Variants in LNX1 observed in about 807,000 individuals in gnomAD.
LNX1 encodes ligand of numb-protein X 1.
A neutral mutation model predicts 68.4 loss-of-function variants in LNX1; 54 were observed. That is an observed-to-expected ratio of 0.79 (90% CI 0.63 to 0.99). The LOEUF (loss-of-function observed/expected upper bound fraction) is 0.99. LNX1 is among the 50% of genes least tolerant of loss of function. The probability of loss-of-function intolerance (pLI) is 0.00; values close to 1 mark genes in which losing one functional copy is unlikely to be tolerated. For synonymous variants in LNX1, 336 were observed against 350.0 expected, an observed-to-expected ratio of 0.96 and a Z score of 0.45; for missense variants, 906 against 926.4, an observed-to-expected ratio of 0.98 and a Z score of 0.29.
chr4:53,614,782 C>A (rs957734836), intron 2 of LNX1, among the ~76,000 whole-genome samples: 10 of 152,274 alleles, frequency 6.6e-5, no homozygotes, highest in Admixed American at 2.0e-4. Context: ...GTTTTACATT[C>A]CATGCTCACA....
chr4:53,570,081 T>A (rs538373157), intron 2 of LNX1, among the ~76,000 whole-genome samples: 1 of 151,290 alleles, frequency 6.6e-6, no homozygotes, highest in African/African-American at 2.4e-5. Flanking sequence ...GTAAACTAGT[T>A]CAACCATTGT....
At chr4:53,505,036 A>G (rs1249535132) in intron 4 of LNX1, among the ~76,000 whole-genome samples, 1 of 152,206 alleles carries the variant, frequency 6.6e-6, no homozygotes, top group East Asian at 1.9e-4. Flanking sequence ...AATGGAGCAA[A>G]CAGACTTGTT....
chr4:53,582,511 A>G (rs1222408808), intron 1 of LNX1, among the ~76,000 whole-genome samples: 1 of 152,204 alleles, frequency 6.6e-6, no homozygotes, highest in East Asian at 1.9e-4. Context: ...GTGACATTTT[A>G]CAAACAGTGT....
At chr4:53,564,734 G>A (rs778257072) in intron 2 of LNX1, among the ~76,000 whole-genome samples, 3 of 152,034 alleles carry the variant, frequency 2.0e-5, no homozygotes, top group African/African-American at 4.8e-5. Flanking sequence ...CTGAGGTACC[G>A]GGTTCATCTC....
intron 1 of LNX1, among the ~76,000 whole-genome samples, chr4:53,648,130 T>C (rs1413121455): frequency 6.6e-6 from 1 of 152,246 alleles, no homozygotes; most frequent in South Asian, 2.1e-4. Context: ...AGAAATTGAA[T>C]TGCTGGGTCA....
chr4:53,641,643 C>T (rs1209751350), intron 1 of LNX1, among the ~76,000 whole-genome samples: 2 of 152,174 alleles, frequency 1.3e-5, no homozygotes, highest in Non-Finnish European at 2.9e-5. Flanking sequence ...AATCAAGGAA[C>T]AAATTCATTT....
intron 2 of LNX1, among the ~76,000 whole-genome samples, chr4:53,526,403 C>T (rs893528962): frequency 4.6e-5 from 7 of 152,136 alleles, no homozygotes; most frequent in African/African-American, 1.2e-4. Context: ...CAAACCCTGG[C>T]ACAAAATGGG....
At position 53,573,921 on chromosome 4, in the gene LNX1, A is replaced by T; in HGVS notation, c.82T>A (p.Phe28Ile). ...TCCACTTCCTCTGGATAGCTGTAGA[A>T]GTGGTTTTCCTCCAAGGAGTGGGCT... ...GQAHSLEENH[F>I]YSYPEEVDDD... is the part of the protein sequence containing the mutation. Residue 28 changes from phenylalanine (F) to isoleucine (I), a missense_variant, in exon 2 of 11, where the codon TTC (phenylalanine) becomes ATC (isoleucine). Phe to Ile is a conservative substitution (Grantham distance 21, BLOSUM62 0). Transcript: ENST00000263925. 1 of 1,613,734 alleles carries T rather than the reference A, an allele frequency of 6.2e-7. No individual in the cohort carries two copies. The highest frequency in any genetic ancestry group is 1.1e-5 in the South Asian group (1 of 90,924).
At chr4:53,619,855 C>A (rs1733804950), upstream of LNX1, among the ~76,000 whole-genome samples, 1 of 152,200 alleles carries the variant, frequency 6.6e-6, no homozygotes, top group Non-Finnish European at 1.5e-5. Flanking sequence ...TCTGTTTTCT[C>A]CACATCCTTG....
chr4:53,563,802 G>T (rs1381376735), intron 2 of LNX1, among the ~76,000 whole-genome samples: 1 of 152,188 alleles, frequency 6.6e-6, no homozygotes, highest in Non-Finnish European at 1.5e-5. Flanking sequence ...CAAAGTGCTG[G>T]GATTACAGGC....
chr4:53,508,388 T>C, intron 2 of LNX1, 161 bp from the exon 3 acceptor site: 2 of 829,448 alleles, frequency 2.4e-6, no homozygotes, highest in Non-Finnish European at 3.7e-6. Flanking sequence ...CACACATCGG[T>C]ACTCAATATA....
At chr4:53,533,213 G>T (rs1728135380) in intron 2 of LNX1, among the ~76,000 whole-genome samples, 1 of 152,154 alleles carries the variant, frequency 6.6e-6, no homozygotes, top group South Asian at 2.1e-4. Context: ...TGGAAGCAGG[G>T]GCTGAGGCAC....
chr4:53,563,926 C>A (rs1730456903), intron 2 of LNX1, among the ~76,000 whole-genome samples: 1 of 152,216 alleles, frequency 6.6e-6, no homozygotes, highest in African/African-American at 2.4e-5. Flanking sequence ...CTAATACATA[C>A]AACATATTTG....
intron 7 of LNX1, among the ~76,000 whole-genome samples, chr4:53,479,711 ATAAT>A (rs1723796111): frequency 6.6e-6 from 1 of 152,254 alleles, no homozygotes; most frequent in African/African-American, 2.4e-5. Flanking sequence ...GTTTAAAAAC[ATAAT>A]TTATGGTAAA....
rs547460285 is a variant in LNX1 at position 53,481,550 on chromosome 4, C to A, written c.1485+170G>T. Among the ~76,000 whole-genome samples, 4 of 152,268 alleles carry A rather than the reference C, an allele frequency of 2.6e-5. No individual in the cohort carries two copies. The South Asian group carries it at 8.3e-4, about 32-fold the overall frequency. On this transcript the variant is annotated intron_variant, in intron 7 of 10. Coordinates refer to ENST00000263925, the MANE Select transcript of LNX1 (RefSeq NM_001126328.3). ...TCTCTCCTGCTTGGATGGGAGACAC[C>A]TGTTATCTCTCCAAGTCTTAAATAT...
At chr4:53,478,468 A>T in intron 8 of LNX1, 97 bp downstream of exon 8, 2 of 1,031,376 alleles carry the variant, frequency 1.9e-6, no homozygotes, top group Non-Finnish European at 2.8e-6. Context: ...TCACTCCCAC[A>T]TTCTCTCATT....
chr4:53,570,189 A>C (rs1288982484), intron 2 of LNX1, among the ~76,000 whole-genome samples: 1 of 142,274 alleles, frequency 7.0e-6, no homozygotes, highest in Non-Finnish European at 1.5e-5. Context: ...ACTATAAATC[A>C]TGCTGCTATA....
chr4:53,523,743 G>A (rs1727413824), intron 2 of LNX1, among the ~76,000 whole-genome samples: 1 of 152,304 alleles, frequency 6.6e-6, no homozygotes, highest in African/African-American at 2.4e-5. Flanking sequence ...CAGATGCATT[G>A]TAGAAATCAC....
chr4:53,481,553 T>G (rs570625521), intron 7 of LNX1, among the ~76,000 whole-genome samples, 167 bp downstream of exon 7: 3 of 152,356 alleles, frequency 2.0e-5, no homozygotes, highest in African/African-American at 4.8e-5. Flanking sequence ...GAGACACCTG[T>G]TATCTCTCCA....
Sources: gnomAD v4.1 joint callset for allele counts (sites outside exome capture counted in the v4.1 genomes callset) on GRCh38, gnomAD v4.1.1 for gene constraint, MANE v1.5 for transcripts, NCBI Gene and HGNC (gene_info 2026-07-23, HGNC 2026-07-21) for gene names.